Variants in ANKAR observed in about 807,000 individuals in gnomAD.
ANKAR encodes ankyrin and armadillo repeat containing, also known as ankyrin and armadillo repeat-containing protein.
Under a neutral mutation model 146.2 loss-of-function variants are expected in ANKAR, and 136 were observed. The observed-to-expected ratio is 0.93, with a 90% CI of 0.81 to 1.07. ANKAR has a LOEUF of 1.07. Among genes scored for constraint, ANKAR ranks in the 50% least tolerant of loss-of-function variants. ANKAR has a pLI of 0.00. For synonymous variants in ANKAR, 500 were observed against 575.8 expected (o/e 0.87, Z 1.88); for missense variants, 1,567 against 1,679.9 (o/e 0.93, Z 1.18).
At chr2:189,701,169 A>T (rs1467493653) in intron 7 of ANKAR, among the ~76,000 whole-genome samples, 1 of 151,754 alleles carries the variant, frequency 6.6e-6, no homozygotes, top group East Asian at 1.9e-4. Flanking sequence ...ATTGTTTTAA[A>T]TATTTCTTCT....
At chr2:189,680,918 G>C (rs2034565041) in intron 2 of ANKAR, among the ~76,000 whole-genome samples, 1 of 152,198 alleles carries the variant, frequency 6.6e-6, no homozygotes, top group South Asian at 2.1e-4. Context: ...GGATCAAGGT[G>C]ATGCCAAGAG....
chr2:189,711,875 C>G (rs530875396), intron 10 of ANKAR, among the ~76,000 whole-genome samples: 1 of 152,228 alleles, frequency 6.6e-6, no homozygotes, highest in East Asian at 1.9e-4. Flanking sequence ...CCTGAAAAAA[C>G]GGGGCATTCA....
At chr2:189,742,895 A>G (rs1443436024) in intron 20 of ANKAR, among the ~76,000 whole-genome samples, 5 of 29,256 alleles carry the variant, frequency 1.7e-4, no homozygotes, top group East Asian at 8.5e-4. Context: ...CACACACACT[A>G]GAATTACCTG....
chr2:189,712,708 C>T (rs1337588786), intron 10 of ANKAR, among the ~76,000 whole-genome samples: 1 of 152,180 alleles, frequency 6.6e-6, no homozygotes, highest in Non-Finnish European at 1.5e-5. Flanking sequence ...ACCAGAGCAC[C>T]TCTTCTCCTC....
chr2:189,758,799 C>T (rs1356165375), intron 18 of ANKAR, among the ~76,000 whole-genome samples: 1 of 152,094 alleles, frequency 6.6e-6, no homozygotes, highest in East Asian at 1.9e-4. Flanking sequence ...CATACACAAG[C>T]AAATGTATAA....
intron 8 of ANKAR, among the ~76,000 whole-genome samples, chr2:189,706,428 A>G (rs1242936323): frequency 6.6e-6 from 1 of 152,110 alleles, no homozygotes; most frequent in Admixed American, 6.6e-5. Context: ...AAGCTGGGAA[A>G]TGTAATATTG....
At chr2:189,677,162 G>C (rs2033848004) in intron 2 of ANKAR, 71 bp downstream of exon 2, 2 of 1,401,940 alleles carry the variant, frequency 1.4e-6, no homozygotes, top group Non-Finnish European at 1.9e-6. Flanking sequence ...CGTCACCCAG[G>C]GTGGTCACGA....
intron 9 of ANKAR, among the ~76,000 whole-genome samples, chr2:189,709,575 T>G (rs942820974): frequency 5.9e-5 from 9 of 152,166 alleles, no homozygotes; most frequent in Non-Finnish European, 1.3e-4. Context: ...AATTGGAGAA[T>G]GAGAATGATT....
At chr2:189,747,820 C>T (rs933271986), downstream of ANKAR, among the ~76,000 whole-genome samples, 7 of 152,040 alleles carry the variant, frequency 4.6e-5, no homozygotes, top group South Asian at 2.1e-4. Context: ...TGAGTAGCTG[C>T]GGTTACAGGC....
rs769570369 is a variant in ANKAR at position 189,738,609 on chromosome 2, T to C, written c.3627T>C (p.Thr1209=). The part of the protein sequence containing the change: ...AKVIRDMDHI[T]LSARGVTILV... ...TCATTAGAGATATGGACCATATTAC[T>C]TTGTCTGCAAGAGGTGTTACTATTT... The change falls in exon 19 of 23, where the codon ACT becomes ACC. Residue 1209 remains threonine, a synonymous_variant. Transcript: ENST00000684021. 1 of 1,612,352 alleles carries C rather than the reference T, an allele frequency of 6.2e-7. No individual in the cohort carries two copies. Among genetic ancestry groups the C allele is most frequent in the Non-Finnish European group, 8.5e-7 (1 of 1,179,052 alleles).
At chr2:189,679,809 T>G (rs1343898979) in intron 2 of ANKAR, among the ~76,000 whole-genome samples, 1 of 152,244 alleles carries the variant, frequency 6.6e-6, no homozygotes, top group African/African-American at 2.4e-5. Context: ...CGAAACCCAC[T>G]TGATCATGGC....
chr2:189,740,969 C>T (rs2043280571), intron 19 of ANKAR, among the ~76,000 whole-genome samples: 2 of 152,228 alleles, frequency 1.3e-5, no homozygotes, highest in African/African-American at 4.8e-5. Context: ...GCTGGAATTA[C>T]AGGTGTGGGC....
rs770036464 is a variant in ANKAR at position 189,719,577 on chromosome 2, A to AT, written c.2232dup (p.Pro745SerfsTer24). 1.2e-6 allele frequency: 2 copies of AT among 1,601,512 alleles called. No homozygotes were observed. The highest frequency in any genetic ancestry group is 1.7e-6 in the Non-Finnish European group (2 of 1,170,436). On this transcript the variant is annotated frameshift_variant, in exon 11 of 23. Coordinates refer to ENST00000684021, the MANE Select transcript of ANKAR (RefSeq NM_001378068.1). LOFTEE classifies it high-confidence loss of function. ...TTTTGCTCTTGTCATTACAGGCACC[A>AT]TTCCTGCCTTAATCAATCTATTAAA...
chr2:189,710,319 G>T (rs975630672), intron 9 of ANKAR, among the ~76,000 whole-genome samples: 1 of 152,116 alleles, frequency 6.6e-6, no homozygotes, highest in Non-Finnish European at 1.5e-5. Flanking sequence ...CTCGGGAAAT[G>T]TATAAAGCCT....
chr2:189,746,356 C>G (rs2044165016), intron 22 of ANKAR, 24 bp from the exon 23 acceptor site: 2 of 1,586,974 alleles, frequency 1.3e-6, no homozygotes, highest in Non-Finnish European at 1.7e-6. Flanking sequence ...TCAGGAGAGA[C>G]ATTTAATTGT....
In ANKAR at chr2:189,696,155, T is replaced by C; in HGVS notation, c.1494T>C (p.Ile498=). Reference sequence around the variant, plus strand: ...TCTGGCCTTCTTAATTTTAGAGTATTCCATTTGGTATGAAGTCCGCTGTTG... The same window carrying C: ...TCTGGCCTTCTTAATTTTAGAGTATCCCATTTGGTATGAAGTCCGCTGTTG... The part of the protein sequence containing the change: ...GFKRAMKCKS[I]PFGMKSAVER... Residue 498 remains isoleucine (I), a synonymous_variant, in exon 7 of 23, where the codon ATT becomes ATC. Coordinates refer to ENST00000684021, the MANE Select transcript of ANKAR (RefSeq NM_001378068.1). 6.2e-7 allele frequency: 1 copy of C among 1,613,804 alleles called. No individual in the cohort carries two copies. Among genetic ancestry groups the C allele is most frequent in the Non-Finnish European group, 8.5e-7 (1 of 1,179,916 alleles).
At chr2:189,733,317 A>G (rs1194592739) in intron 17 of ANKAR, 88 bp downstream of exon 17, 2 of 1,134,060 alleles carry the variant, frequency 1.8e-6, no homozygotes, top group Admixed American at 2.7e-5. Context: ...CTTCATGGCA[A>G]TATTCAATGT....
intron 5 of ANKAR, among the ~76,000 whole-genome samples, chr2:189,694,049 A>G (rs2036832231): frequency 6.6e-6 from 1 of 151,942 alleles, no homozygotes; most frequent in South Asian, 2.1e-4. Context: ...ATGCCTGTCC[A>G]TAAGACCCTA....
At chr2:189,704,977 G>A (rs368472080) in intron 7 of ANKAR, 46 bp from the exon 8 acceptor site, 47 of 1,568,752 alleles carry the variant, frequency 3.0e-5, no homozygotes, top group Non-Finnish European at 4.1e-5. Context: ...TTTTTTTTAG[G>A]AATGGTAGTG....
Sources: allele counts gnomAD v4.1 joint callset (sites outside exome capture counted in the v4.1 genomes callset), GRCh38; gene constraint gnomAD v4.1.1; transcripts MANE v1.5; gene names NCBI Gene and HGNC (gene_info 2026-07-23, HGNC 2026-07-21).